Variants in STK3 observed in about 807,000 individuals in gnomAD.
The protein encoded by STK3 is serine/threonine kinase 3.
STK3 carries 41 observed loss-of-function variants against 58.0 expected under a neutral mutation model. That is an observed-to-expected ratio of 0.71 (90% CI 0.55 to 0.92). The LOEUF (loss-of-function observed/expected upper bound fraction) is 0.92. Among genes scored for constraint, STK3 ranks in the 40% least tolerant of loss-of-function variants. The probability of loss-of-function intolerance (pLI) is 0.00; values close to 1 mark genes in which losing one functional copy is unlikely to be tolerated. For synonymous variants in STK3, 170 were observed against 191.0 expected, an observed-to-expected ratio of 0.89 and a Z score of 0.91; for missense variants, 479 against 602.7, an observed-to-expected ratio of 0.79 and a Z score of 2.15.
At chr8:98,365,281 C>T in the STK3 span, among the ~76,000 whole-genome samples, 1 of 152,102 alleles carries the variant, frequency 6.6e-6, no homozygotes, top group Non-Finnish European at 1.5e-5. Flanking sequence ...TAGACGAATG[C>T]TAGAAAGGTT....
At chr8:98,436,078 C>A (rs144518624) in intron 2 of STK3, among the ~76,000 whole-genome samples, 1 of 152,144 alleles carries the variant, frequency 6.6e-6, no homozygotes, top group Non-Finnish European at 1.5e-5. Context: ...AATTCAGTGG[C>A]CTGTCCTCAA....
At chr8:98,893,514 AAG>A (rs1838329179) in intron 1 of STK3, among the ~76,000 whole-genome samples, 3 of 143,700 alleles carry the variant, frequency 2.1e-5, no homozygotes, top group South Asian at 4.3e-4. Context: ...GAAAGAAAGA[AAG>A]AAAGAAAGAA....
intron 3 of STK3, among the ~76,000 whole-genome samples, chr8:98,864,526 T>C (rs139079076): frequency 1.2e-4 from 18 of 152,330 alleles, no homozygotes; most frequent in African/African-American, 4.3e-4. Flanking sequence ...CTAAACTAGA[T>C]TCCTGAGTAC....
At chr8:98,870,461 A>T (rs1837328793) in intron 3 of STK3, among the ~76,000 whole-genome samples, 1 of 152,230 alleles carries the variant, frequency 6.6e-6, no homozygotes, top group South Asian at 2.1e-4. Context: ...TCCCACCAAC[A>T]GTGTAAAAGT....
downstream of STK3, among the ~76,000 whole-genome samples, chr8:98,454,157 C>CT (rs1415916865): frequency 6.6e-6 from 1 of 152,090 alleles, no homozygotes; most frequent in African/African-American, 2.4e-5. Context: ...GGAATGGAAG[C>CT]TTTCCAGAGA....
At chr8:98,708,643 G>C (rs1249227366) in intron 4 of STK3, among the ~76,000 whole-genome samples, 1 of 152,180 alleles carries the variant, frequency 6.6e-6, no homozygotes, top group African/African-American at 2.4e-5. Context: ...AATGTGCTAA[G>C]AGTTATGCAT....
chr8:98,825,245 G>T (rs954701904), intron 1 of STK3, among the ~76,000 whole-genome samples: 2 of 152,118 alleles, frequency 1.3e-5, no homozygotes, highest in Admixed American at 1.3e-4. Flanking sequence ...GCCCCGGGAG[G>T]TCAGGCCGCA....
At chr8:98,377,913 A>G (rs1412267024) in intron 2 of STK3, among the ~76,000 whole-genome samples, 1 of 152,060 alleles carries the variant, frequency 6.6e-6, no homozygotes, top group Non-Finnish European at 1.5e-5. Flanking sequence ...TTGAAGCTCC[A>G]CTGCTCTCTC....
chr8:98,359,642 TAC>T, the STK3 span, among the ~76,000 whole-genome samples: 1 of 152,316 alleles, frequency 6.6e-6, no homozygotes, highest in Non-Finnish European at 1.5e-5. Context: ...TGGGTTTGCC[TAC>T]CTCTGATCTT....
At chr8:98,534,187 TTATC>T (rs1586800323) in intron 9 of STK3, among the ~76,000 whole-genome samples, 1 of 152,208 alleles carries the variant, frequency 6.6e-6, no homozygotes, top group East Asian at 1.9e-4. Context: ...ACACAACTGT[TTATC>T]TAAGGACCAA....
intron 1 of STK3, among the ~76,000 whole-genome samples, chr8:98,901,855 A>G (rs966875544): frequency 6.6e-6 from 1 of 152,230 alleles, no homozygotes; most frequent in African/African-American, 2.4e-5. Context: ...CAAATAAATC[A>G]TTAATAGGCA....
chr8:98,782,228 C>A (rs1010377835), intron 1 of STK3: 5 of 178,268 alleles, frequency 2.8e-5, no homozygotes, highest in East Asian at 1.6e-4. Flanking sequence ...GGGCTCACTG[C>A]CAAAAAAGCA....
chr8:98,852,901 C>T (rs1246581090), intron 3 of STK3, among the ~76,000 whole-genome samples: 1 of 152,076 alleles, frequency 6.6e-6, no homozygotes, highest in Non-Finnish European at 1.5e-5. Flanking sequence ...AAAATATTTT[C>T]CATTTTACTT....
intron 1 of STK3, among the ~76,000 whole-genome samples, chr8:98,890,344 T>C (rs1312442193): frequency 6.6e-6 from 1 of 152,250 alleles, no homozygotes; most frequent in Non-Finnish European, 1.5e-5. Flanking sequence ...CTTTCGTTCA[T>C]GTCTTCGTAG....
chr8:98,908,621 G>A (rs561187191), intron 1 of STK3, among the ~76,000 whole-genome samples: 208 of 151,346 alleles, frequency 1.4e-3, no homozygotes, highest in African/African-American at 4.4e-3. Context: ...CGGGGCGGGC[G>A]GATCACCTGA....
At chr8:98,866,400 C>A (rs1587772059) in intron 3 of STK3, among the ~76,000 whole-genome samples, 1 of 152,300 alleles carries the variant, frequency 6.6e-6, no homozygotes, top group East Asian at 1.9e-4. Context: ...CTCAACCCAG[C>A]TGAATAGAGA....
chr8:98,858,685 C>T (rs1009773487), intron 3 of STK3, among the ~76,000 whole-genome samples: 10 of 151,418 alleles, frequency 6.6e-5, no homozygotes, highest in South Asian at 4.2e-4. Flanking sequence ...AAAGGTCAAG[C>T]GATCAAGACC....
the STK3 span, among the ~76,000 whole-genome samples, chr8:98,361,064 CCT>C: frequency 6.6e-6 from 1 of 152,164 alleles, no homozygotes. Flanking sequence ...TTTTCACACT[CCT>C]GTAGACCCAA....
intron 3 of STK3, among the ~76,000 whole-genome samples, chr8:98,759,673 G>T (rs560011335): frequency 2.3e-4 from 35 of 151,996 alleles, no homozygotes; most frequent in African/African-American, 8.4e-4. Context: ...GCAAAGTGAA[G>T]AAGTACAACA....
Sources: allele counts gnomAD v4.1 joint callset (sites outside exome capture counted in the v4.1 genomes callset), GRCh38; gene constraint gnomAD v4.1.1; transcripts MANE v1.5; gene names NCBI Gene and HGNC (gene_info 2026-07-23, HGNC 2026-07-21).